Variants in IFT56 observed in about 807,000 individuals in gnomAD.
The protein encoded by IFT56 is intraflagellar transport 56.
the IFT56 span, among the ~76,000 whole-genome samples, chr7:139,138,437 G>C: frequency 6.6e-6 from 1 of 152,166 alleles, no homozygotes; most frequent in East Asian, 1.9e-4. Flanking sequence ...ATAGGATTCA[G>C]TACTATCCAA....
the IFT56 span, among the ~76,000 whole-genome samples, chr7:139,176,864 G>A: frequency 6.6e-6 from 1 of 151,950 alleles, no homozygotes; most frequent in African/African-American, 2.4e-5. Context: ...AGTCTAGTAG[G>A]GCAGATGGAT....
At chr7:139,179,463 T>C in the IFT56 span, 7 of 770,250 alleles carry the variant, frequency 9.1e-6, no homozygotes, top group Non-Finnish European at 1.6e-5. Flanking sequence ...CTGTATAGAA[T>C]TGGGCTGTCT....
the IFT56 span, among the ~76,000 whole-genome samples, chr7:139,141,736 T>C: frequency 6.6e-6 from 1 of 152,184 alleles, no homozygotes. Context: ...TTTGCTGGAC[T>C]GCCTGTTTCA....
the IFT56 span, among the ~76,000 whole-genome samples, chr7:139,153,984 G>A: frequency 2.0e-5 from 3 of 152,060 alleles, no homozygotes; most frequent in African/African-American, 7.2e-5. Flanking sequence ...ATTTCTTTGC[G>A]TTCTTGCCAA....
At chr7:139,146,711 G>A in the IFT56 span, among the ~76,000 whole-genome samples, 1 of 147,450 alleles carries the variant, frequency 6.8e-6, no homozygotes, top group Non-Finnish European at 1.5e-5. Context: ...AGGTTGCAGT[G>A]AGCCGAGATC....
the IFT56 span, chr7:139,187,564 A>G: frequency 1.9e-6 from 3 of 1,611,748 alleles, no homozygotes; most frequent in Non-Finnish European, 2.5e-6. Flanking sequence ...AAGAAATACT[A>G]CCTCTACTCA....
the IFT56 span, among the ~76,000 whole-genome samples, chr7:139,146,101 A>T: frequency 6.6e-6 from 1 of 152,212 alleles, no homozygotes. Context: ...TCACTTAAAA[A>T]TGTATCATGA....
At chr7:139,168,305 T>G in the IFT56 span, 2 of 1,408,830 alleles carry the variant, frequency 1.4e-6, no homozygotes, top group Non-Finnish European at 2.0e-6. Context: ...ATCTCATAGC[T>G]CCACATTCCT....
the IFT56 span, chr7:139,181,184 A>C: frequency 6.2e-7 from 1 of 1,611,174 alleles, no homozygotes; most frequent in Admixed American, 1.7e-5. Context: ...GCTCATTGCT[A>C]ATGACTGCTA....
chr7:139,184,004 A>T, the IFT56 span, among the ~76,000 whole-genome samples: 5 of 152,182 alleles, frequency 3.3e-5, no homozygotes, highest in African/African-American at 1.2e-4. Context: ...ACAGCTTTTA[A>T]GCCTCACCCC....
At chr7:139,171,489 C>T in the IFT56 span, among the ~76,000 whole-genome samples, 1 of 152,274 alleles carries the variant, frequency 6.6e-6, no homozygotes, top group East Asian at 1.9e-4. Context: ...GGCATAAACA[C>T]AGACATATAG....
the IFT56 span, among the ~76,000 whole-genome samples, chr7:139,157,963 G>T: frequency 1.3e-5 from 2 of 152,200 alleles, no homozygotes; most frequent in East Asian, 1.9e-4. Context: ...CAGGGACAGT[G>T]GGGGGTGTGG....
the IFT56 span, among the ~76,000 whole-genome samples, chr7:139,176,303 A>T: frequency 6.6e-6 from 1 of 152,152 alleles, no homozygotes; most frequent in African/African-American, 2.4e-5. Context: ...CCTGTATCAA[A>T]ATATACTGGA....
At chr7:139,161,164 T>C in the IFT56 span, 2 of 648,654 alleles carry the variant, frequency 3.1e-6, no homozygotes, top group Non-Finnish European at 5.2e-6. Context: ...GTGGAGGAGA[T>C]AAGTTTTAAA....
the IFT56 span, among the ~76,000 whole-genome samples, chr7:139,135,398 A>G: frequency 6.6e-6 from 1 of 152,196 alleles, no homozygotes; most frequent in Middle Eastern, 3.4e-3. Context: ...ATACAATGTC[A>G]TTTCACACAT....
the IFT56 span, among the ~76,000 whole-genome samples, chr7:139,158,856 G>T: frequency 6.6e-6 from 1 of 152,130 alleles, no homozygotes; most frequent in Non-Finnish European, 1.5e-5. Flanking sequence ...AGGGGTTGCA[G>T]TGGGCTAAGA....
At chr7:139,178,332 T>C in the IFT56 span, 3 of 1,565,004 alleles carry the variant, frequency 1.9e-6, no homozygotes, top group Non-Finnish European at 1.8e-6. Context: ...TAAGACTTTA[T>C]ATACAAAATA....
At chr7:139,179,020 A>AAAT in the IFT56 span, among the ~76,000 whole-genome samples, 2 of 152,262 alleles carry the variant, frequency 1.3e-5, no homozygotes, top group African/African-American at 4.8e-5. Flanking sequence ...TCATAAGTAT[A>AAAT]CAGCTTGATG....
the IFT56 span, among the ~76,000 whole-genome samples, chr7:139,146,761 C>T: frequency 9.7e-6 from 1 of 103,396 alleles, no homozygotes; most frequent in Admixed American, 1.2e-4. Context: ...GGCAAGACTC[C>T]GTTTCAAAAA....
Sources: allele counts gnomAD v4.1 joint callset (sites outside exome capture counted in the v4.1 genomes callset), GRCh38; gene constraint gnomAD v4.1.1; transcripts MANE v1.5; gene names NCBI Gene and HGNC (gene_info 2026-07-23, HGNC 2026-07-21).